LTN1: variants seen among roughly 807,000 people sequenced by gnomAD.
The protein encoded by LTN1 is listerin E3 ubiquitin protein ligase 1.
LTN1 carries 88 observed loss-of-function variants against 201.2 expected under a neutral mutation model. The observed-to-expected ratio is 0.44, with a 90% CI of 0.37 to 0.52. The LOEUF (loss-of-function observed/expected upper bound fraction) is 0.52. Ranked by LOEUF, LTN1 falls within the 20% of genes least tolerant of loss-of-function variation. LTN1 has a pLI of 0.00. For missense variants in LTN1, 1,752 were observed against 2,038.7 expected (o/e 0.86, Z 2.71); for synonymous variants, 645 against 713.5 (o/e 0.90, Z 1.53).
intron 4 of LTN1, 80 bp from the exon 5 acceptor site, chr21:28,982,448 T>A: frequency 1.9e-6 from 2 of 1,072,024 alleles, no homozygotes; most frequent in South Asian, 1.3e-5. Context: ...TTAAATAAAA[T>A]CCACTTTTTA....
intron 20 of LTN1, 31 bp downstream of exon 20, chr21:28,946,120 GA>G: frequency 6.5e-7 from 1 of 1,546,696 alleles, no homozygotes; most frequent in Non-Finnish European, 8.8e-7. Context: ...ATTGTATACT[GA>G]AGGAAAAACA....
chr21:28,965,065 T>A (rs1178955804), intron 11 of LTN1, among the ~76,000 whole-genome samples: 2 of 152,204 alleles, frequency 1.3e-5, no homozygotes, highest in African/African-American at 4.8e-5. Flanking sequence ...TTATGGAAAC[T>A]GCACAACGAT....
rs753087990 is a variant in LTN1 at position 28,971,410 on chromosome 21, A to G, written c.845T>C (p.Leu282Ser). 3 of 1,614,108 alleles carry G rather than the reference A, an allele frequency of 1.9e-6. No homozygotes were observed. In the East Asian group the frequency reaches 6.7e-5, roughly 36 times the overall value. ...CATCAACTGTGGAATGCGCTGGCAC[A>G]ATGCAGAGACTAACTCAAAATAAGC... ...RSAYFELVSA[L>S]CQRIPQLMKE... The change falls in exon 7 of 30, where the codon TTG (leucine) becomes TCG (serine). Residue 282 changes from leucine (L) to serine (S), a missense_variant. By Grantham distance (145) the Leu-to-Ser change is moderately radical (BLOSUM62 -2). Transcript: ENST00000361371.
At chr21:28,950,772 C>G (rs1379845181) in intron 18 of LTN1, among the ~76,000 whole-genome samples, 3 of 152,166 alleles carry the variant, frequency 2.0e-5, no homozygotes, top group Non-Finnish European at 4.4e-5. Context: ...CTTTGGCCTT[C>G]CAAAGTGCTG....
At chr21:28,976,222 G>A (rs992491845) in intron 6 of LTN1, among the ~76,000 whole-genome samples, 1 of 152,128 alleles carries the variant, frequency 6.6e-6, no homozygotes, top group African/African-American at 2.4e-5. Context: ...AAAAATGGCT[G>A]CATTTTACAG....
At position 28,958,496 on chromosome 21, in the gene LTN1, T is replaced by C. The variant is rs750400781; in HGVS notation, c.2637A>G (p.Val879=). 1 of 1,610,714 alleles carries C rather than the reference T, an allele frequency of 6.2e-7. No individual in the cohort carries two copies. Among genetic ancestry groups the C allele is most frequent in the Non-Finnish European group, 8.5e-7 (1 of 1,178,578 alleles). ...TGTCAGTTTGATGAACCAATAAATT[T>C]ACACCAGAGAGCCAAGTATTTTTCA... ...CKLKNTWLSG[V]NLLVHQTDSS... The change falls in exon 14 of 30, where the codon GTA becomes GTG. Residue 879 remains valine (V), a synonymous_variant. Coordinates refer to ENST00000361371, the MANE Select transcript of LTN1 (RefSeq NM_015565.3).
intron 16 of LTN1, 93 bp from the exon 17 acceptor site, chr21:28,953,469 T>C: frequency 1.1e-6 from 1 of 880,160 alleles, no homozygotes; most frequent in Non-Finnish European, 1.7e-6. Context: ...CTAACACTGT[T>C]GTGCCCACTC....
chr21:28,979,461 T>C (rs1448570555), intron 6 of LTN1, among the ~76,000 whole-genome samples: 1 of 152,188 alleles, frequency 6.6e-6, no homozygotes, highest in African/African-American at 2.4e-5. Context: ...ACAAGGCAGT[T>C]AGAAGTCATG....
chr21:28,969,578 GT>G lies in LTN1; in HGVS notation c.1198del (p.Thr400ProfsTer4). On this transcript the variant is annotated frameshift_variant, in exon 9 of 30. Coordinates refer to ENST00000361371, the MANE Select transcript of LTN1 (RefSeq NM_015565.3). LOFTEE classifies it high-confidence loss of function. ...TACTGCCGAGGACTCTAAAGAGCTG[GT>G]TTTAGTTCTCTCTGTTGACAGCCTA... ...VAGLSTERTKTSSLESSAVIS... is the reference protein window; with the variant it reads ...VAGLSTERTKXSSLESSAVIS... The G allele has an allele frequency of 6.2e-7, 1 of 1,605,328 alleles. No homozygotes were observed. The highest frequency in any genetic ancestry group is 8.5e-7 in the Non-Finnish European group (1 of 1,176,828).
rs760291764 is a variant in LTN1, at chr21:28,936,552, G to T, written c.4628C>A (p.Thr1543Asn). The change falls in exon 26 of 30, where the codon ACT becomes AAT. Residue 1543 changes from threonine (T) to asparagine (N), a missense_variant. Coordinates refer to ENST00000361371, the MANE Select transcript of LTN1 (RefSeq NM_015565.3). ...TCTAATACTCAGCTGGAGCTCCTCA[G>T]TAAAGAATGTTTTAGGGTCCTTATT... is the stretch of plus-strand genomic sequence containing the variant. ...VPNKDPKTFF[T>N]EELQLSIRET... 18 of 1,613,540 alleles carry T rather than the reference G, an allele frequency of 1.1e-5. No individual in the cohort carries two copies. The highest frequency in any genetic ancestry group is 1.5e-5 in the Non-Finnish European group (18 of 1,179,756).
In LTN1 at chr21:28,966,392, T is replaced by G. The variant is rs1220431814; in HGVS notation, c.2099A>C (p.Lys700Thr). The G allele has an allele frequency of 6.2e-7, 1 of 1,608,796 alleles. No individual in the cohort carries two copies. Among genetic ancestry groups the G allele is most frequent in the Admixed American group, 1.7e-5 (1 of 58,716 alleles). ...TACCTTGGTTAGATCATCCAAGACT[T>G]TTTTTCTTTCCATATCATTGTCACA... ...RCCDNDMERKKVLDDLTKVDL... is the reference protein window; with the variant it reads ...RCCDNDMERKTVLDDLTKVDL... The change falls in exon 10 of 30, where the codon AAA becomes ACA. Residue 700 changes from lysine to threonine, a missense_variant. Physicochemically the swap from Lys to Thr is moderately conservative, Grantham distance 78. Transcript: ENST00000361371.
intron 24 of LTN1, among the ~76,000 whole-genome samples, chr21:28,942,654 TCTTAA>T (rs907789520): frequency 4.9e-4 from 75 of 152,302 alleles, no homozygotes; most frequent in African/African-American, 1.6e-3. Flanking sequence ...CATGATGTTC[TCTTAA>T]CTTATGTTGT....
intron 4 of LTN1, among the ~76,000 whole-genome samples, chr21:28,984,030 A>C (rs1175433208): frequency 6.6e-6 from 1 of 152,184 alleles, no homozygotes; most frequent in Non-Finnish European, 1.5e-5. Context: ...CCCAGTGTGG[A>C]GAAACTTTAT....
intron 6 of LTN1, among the ~76,000 whole-genome samples, chr21:28,977,998 T>C (rs1468210600): frequency 1.3e-5 from 2 of 151,368 alleles, no homozygotes; most frequent in Non-Finnish European, 2.9e-5. Context: ...CAGAGACCAA[T>C]GCATCAGAAC....
chr21:28,986,453 C>A lies in LTN1; in HGVS notation c.247-216G>T, dbSNP rs2084699368. The A allele has an allele frequency of 2.9e-6, 2 of 679,032 alleles. No homozygotes were observed. Among genetic ancestry groups the A allele is most frequent in the Admixed American group, 2.2e-5 (1 of 45,840 alleles). The allele number at this position is 679,032 out of a possible 1,614,324, so 42.1% of individuals were successfully genotyped here. On this transcript the variant is annotated intron_variant, in intron 2 of 29. Transcript: ENST00000361371. This position sits in a 1 kb window ranked among gnomAD's most constrained non-coding sequence, Gnocchi z 4.1. ...AATAAAACATCTACAAACAAAAAAA[C>A]CTCATTTAAAGTTACAAGGTCAAAG...
rs777898870 is a variant in LTN1, at chr21:28,992,863, C to A, written c.-58G>T. The stretch of plus-strand genomic sequence containing the variant: ...GACCCCGGTTGACACGTCCGGGACA[C>A]AACTTCCGGCTTCTGGCGGCGGAAG... On this transcript the variant is annotated 5_prime_UTR_variant, in exon 1 of 30. Transcript: ENST00000361371. 14 of 1,613,762 alleles carry A rather than the reference C, an allele frequency of 8.7e-6. No individual in the cohort carries two copies. Among genetic ancestry groups the A allele is most frequent in the Non-Finnish European group, 1.2e-5 (14 of 1,179,836 alleles).
intron 6 of LTN1, among the ~76,000 whole-genome samples, chr21:28,978,094 T>C (rs1054668901): frequency 1.1e-4 from 17 of 152,128 alleles, no homozygotes; most frequent in African/African-American, 3.9e-4. Flanking sequence ...AGTGGCACAA[T>C]CATGGCTCGC....
chr21:28,986,904 G>C lies in LTN1; in HGVS notation c.73C>G (p.Leu25Val). ...GGCACTGTTCCCTGTTCTTTGGCAAGGAGTTCTGCAGCTCGGCCACTGTTT... is the reference window on the plus strand; with the variant it reads ...GGCACTGTTCCCTGTTCTTTGGCAACGAGTTCTGCAGCTCGGCCACTGTTT... The part of the protein sequence containing the change: ...PSNSGRAAEL[L>V]AKEQGTVPGF... The change falls in exon 2 of 30, where the codon CTT becomes GTT. Residue 25 changes from leucine to valine, a missense_variant. Transcript: ENST00000361371. The surrounding 1 kb of genome is among the most constrained non-coding windows in gnomAD (Gnocchi z 4.1). The C allele has an allele frequency of 1.9e-6, 3 of 1,614,152 alleles. No homozygotes were observed. Among genetic ancestry groups the C allele is most frequent in the Non-Finnish European group, 2.5e-6 (3 of 1,180,008 alleles).
chr21:28,989,348 ACTAT>A (rs1440134943), intron 1 of LTN1, among the ~76,000 whole-genome samples: 3 of 152,184 alleles, frequency 2.0e-5, no homozygotes, highest in South Asian at 2.1e-4. Context: ...TTTTAAATGC[ACTAT>A]CTTTTTTTAA....
Sources: gnomAD v4.1 joint callset for allele counts (sites outside exome capture counted in the v4.1 genomes callset) on GRCh38, gnomAD v4.1.1 for gene constraint, Gnocchi (gnomAD v3.1) non-coding constraint, MANE v1.5 for transcripts, NCBI Gene and HGNC (gene_info 2026-07-23, HGNC 2026-07-21) for gene names.